Variants in CCSER1 observed in about 807,000 individuals in gnomAD.
CCSER1 encodes the protein coiled-coil serine rich protein 1.
Under a neutral mutation model 82.0 loss-of-function variants are expected in CCSER1, and 41 were observed. The observed-to-expected ratio is 0.50, with a 90% CI of 0.39 to 0.65. CCSER1 has a LOEUF of 0.65. Among genes scored for constraint, CCSER1 ranks in the 30% least tolerant of loss-of-function variants. CCSER1 has a pLI of 0.00. For synonymous variants in CCSER1, 414 were observed against 383.9 expected, an observed-to-expected ratio of 1.08 and a Z score of -0.92; for missense variants, 1,119 against 1,064.2, an observed-to-expected ratio of 1.05 and a Z score of -0.72.
At chr4:91,156,954 A>G (rs1029420378) in intron 10 of CCSER1, among the ~76,000 whole-genome samples, 2 of 151,952 alleles carry the variant, frequency 1.3e-5, no homozygotes, top group African/African-American at 4.8e-5. Flanking sequence ...TTCCATCTCT[A>G]TATTTTCTTC....
At chr4:90,269,500 A>G (rs1000973583) in intron 1 of CCSER1, among the ~76,000 whole-genome samples, 1 of 152,078 alleles carries the variant, frequency 6.6e-6, no homozygotes. Flanking sequence ...TAATGAAAAC[A>G]GCATACCAAA....
chr4:90,247,707 T>C (rs1461672416), intron 1 of CCSER1, among the ~76,000 whole-genome samples: 1 of 152,058 alleles, frequency 6.6e-6, no homozygotes, highest in African/African-American at 2.4e-5. Flanking sequence ...ATTAGGAATA[T>C]ATAATAAATT....
chr4:91,589,396 G>T (rs547716717), intron 10 of CCSER1, among the ~76,000 whole-genome samples: 1 of 151,890 alleles, frequency 6.6e-6, no homozygotes, highest in East Asian at 1.9e-4. Flanking sequence ...TTGGACTCCA[G>T]AATTTCTACC....
chr4:91,450,953 G>T (rs962129009), intron 10 of CCSER1, among the ~76,000 whole-genome samples: 2 of 151,904 alleles, frequency 1.3e-5, no homozygotes, highest in Non-Finnish European at 2.9e-5. Context: ...AGTCTGTTAG[G>T]GATACTATAA....
At chr4:90,349,646 C>T (rs917421991) in intron 3 of CCSER1, among the ~76,000 whole-genome samples, 3 of 151,846 alleles carry the variant, frequency 2.0e-5, no homozygotes, top group Admixed American at 2.0e-4. Flanking sequence ...CTTTTCATAC[C>T]ATTACTCTCT....
At chr4:90,746,528 C>T (rs754523781) in intron 7 of CCSER1, among the ~76,000 whole-genome samples, 1 of 152,164 alleles carries the variant, frequency 6.6e-6, no homozygotes. Context: ...ATAGCTCAGC[C>T]TATCCTAGGT....
intron 10 of CCSER1, among the ~76,000 whole-genome samples, chr4:91,185,150 G>T (rs939503853): frequency 6.6e-6 from 1 of 152,132 alleles, no homozygotes; most frequent in Non-Finnish European, 1.5e-5. Context: ...CACAGGTAGG[G>T]TGTTTATCAG....
At chr4:91,001,674 C>T (rs982515152) in intron 9 of CCSER1, among the ~76,000 whole-genome samples, 3 of 152,140 alleles carry the variant, frequency 2.0e-5, no homozygotes, top group African/African-American at 7.2e-5. Context: ...CTCTTGAGAG[C>T]AACAGATAGT....
intron 5 of CCSER1, among the ~76,000 whole-genome samples, chr4:90,565,433 A>G (rs192186904): frequency 2.6e-4 from 39 of 152,264 alleles, no homozygotes; most frequent in African/African-American, 8.9e-4. Context: ...AGAGTTTTCT[A>G]CATATATAAT....
chr4:90,891,041 A>G (rs1261676546), intron 8 of CCSER1, among the ~76,000 whole-genome samples: 1 of 152,146 alleles, frequency 6.6e-6, no homozygotes, highest in Non-Finnish European at 1.5e-5. Context: ...GATTCTTGGC[A>G]TCTGTGAACT....
chr4:90,997,464 T>C (rs192070621), intron 9 of CCSER1, among the ~76,000 whole-genome samples: 51 of 152,320 alleles, frequency 3.3e-4, no homozygotes, highest in African/African-American at 1.1e-3. Context: ...TGATCACTTA[T>C]GCAGAGTCCC....
At chr4:90,480,497 T>G (rs563746130) in intron 5 of CCSER1, among the ~76,000 whole-genome samples, 31 of 152,328 alleles carry the variant, frequency 2.0e-4, no homozygotes, top group African/African-American at 7.5e-4. Flanking sequence ...CTTCTAGGGT[T>G]TTTATGGTTT....
rs1743218819 is a variant in CCSER1, at chr4:90,350,404, T to C, written c.1509+37357T>C. Among the ~76,000 whole-genome samples, 3 of 152,112 alleles carry C rather than the reference T, an allele frequency of 2.0e-5. No homozygotes were observed. In the South Asian group the frequency reaches 6.2e-4, roughly 32 times the overall value. ...TATATTCTTGATTATGAGTATTATT[T>C]AGTGTTGTTTTGAAGGTATATGCTA... On this transcript the variant is annotated intron_variant, in intron 3 of 10. Transcript: ENST00000509176.
intron 5 of CCSER1, among the ~76,000 whole-genome samples, chr4:90,509,119 T>G (rs1578875045): frequency 6.6e-6 from 1 of 152,224 alleles, no homozygotes; most frequent in South Asian, 2.1e-4. Context: ...AATACGTTTT[T>G]GCTATTGTGT....
At chr4:90,306,257 A>C (rs576797750) in intron 1 of CCSER1, among the ~76,000 whole-genome samples, 2 of 152,154 alleles carry the variant, frequency 1.3e-5, no homozygotes, top group Non-Finnish European at 2.9e-5. Context: ...AGGAGAAATA[A>C]GTTTTAGAGG....
chr4:90,804,743 A>G (rs917990480), intron 7 of CCSER1, among the ~76,000 whole-genome samples: 2 of 152,346 alleles, frequency 1.3e-5, no homozygotes, highest in South Asian at 4.1e-4. Context: ...GGCAAAATGC[A>G]TTATAAAATG....
chr4:91,072,807 G>A (rs1721572467), intron 9 of CCSER1, among the ~76,000 whole-genome samples: 1 of 151,942 alleles, frequency 6.6e-6, no homozygotes, highest in Admixed American at 6.6e-5. Context: ...TTGTAATTGT[G>A]AGGTATAAAA....
At chr4:91,282,417 A>C (rs1486572742) in intron 10 of CCSER1, among the ~76,000 whole-genome samples, 1 of 152,144 alleles carries the variant, frequency 6.6e-6, no homozygotes, top group African/African-American at 2.4e-5. Context: ...TGGTGCTAAC[A>C]ACCTACACTT....
chr4:90,413,961 AAAAAAAAAAAAAAAAAAAAAATATATAT>A (rs1347991961), intron 4 of CCSER1, among the ~76,000 whole-genome samples: 3 of 107,068 alleles, frequency 2.8e-5, no homozygotes, highest in African/African-American at 1.4e-4. Context: ...AAAAAAAAAA[AAAAAAAAAAAAAAAAAAAAAATATATAT>A]ATATATATAT....
Sources: gnomAD v4.1 joint callset for allele counts (sites outside exome capture counted in the v4.1 genomes callset) on GRCh38, gnomAD v4.1.1 for gene constraint, MANE v1.5 for transcripts, NCBI Gene and HGNC (gene_info 2026-07-23, HGNC 2026-07-21) for gene names.